The following SLC45A3 variants were observed in gnomAD, a reference collection of about 807,000 sequenced individuals.
SLC45A3 encodes solute carrier family 45 member 3.
SLC45A3 carries 17 observed loss-of-function variants against 35.3 expected under a neutral mutation model. The observed-to-expected ratio is 0.48, with a 90% CI of 0.33 to 0.72. SLC45A3 has a LOEUF of 0.72. Among genes scored for constraint, SLC45A3 ranks in the 30% least tolerant of loss-of-function variants. The probability of loss-of-function intolerance (pLI) is 0.02; values close to 1 mark genes in which losing one functional copy is unlikely to be tolerated. For synonymous variants in SLC45A3, 288 were observed against 334.3 expected, an observed-to-expected ratio of 0.86 and a Z score of 1.51; for missense variants, 597 against 731.7, an observed-to-expected ratio of 0.82 and a Z score of 2.12.
At chr1:205,671,099 C>G (rs1289384125) in intron 1 of SLC45A3, among the ~76,000 whole-genome samples, 4 of 152,208 alleles carry the variant, frequency 2.6e-5, no homozygotes, top group Non-Finnish European at 4.4e-5. Context: ...GGAGCCAGCA[C>G]TGCCCTCCCC....
At chr1:205,679,481 C>CAGG (rs2102412351) in intron 1 of SLC45A3, among the ~76,000 whole-genome samples, 1 of 152,264 alleles carries the variant, frequency 6.6e-6, no homozygotes, top group Non-Finnish European at 1.5e-5. Context: ...AGAAAGCATG[C>CAGG]AGGTCCCTGG....
At chr1:205,676,143 G>A (rs1028619675) in intron 1 of SLC45A3, among the ~76,000 whole-genome samples, 1 of 152,216 alleles carries the variant, frequency 6.6e-6, no homozygotes, top group Non-Finnish European at 1.5e-5. Context: ...GGAGCCAGGA[G>A]TGGGAATCTA....
rs191447344 is a variant in SLC45A3 at position 205,669,183 on chromosome 1, A to T, written c.-230-4297T>A. ...ACTTTGCAGGCCCAACTCCAGAGGG[A>T]GCAGCTCCTATGGGCTCAAAGGTGG... On this transcript the variant is annotated intron_variant, in intron 1 of 4. Coordinates refer to ENST00000367145, the MANE Select transcript of SLC45A3 (RefSeq NM_033102.3). This position sits in a 1 kb window ranked among gnomAD's most constrained non-coding sequence, Gnocchi z 4.1. Among the ~76,000 whole-genome samples the T allele has an allele frequency of 4.5e-3, 687 of 152,308 alleles. 4 individuals are homozygous for T. The highest frequency in any genetic ancestry group is 5.1e-3 in the Non-Finnish European group (349 of 68,016).
intron 1 of SLC45A3, among the ~76,000 whole-genome samples, chr1:205,671,647 T>A (rs1440767534): frequency 6.6e-6 from 1 of 151,958 alleles, no homozygotes; most frequent in African/African-American, 2.4e-5. Context: ...TTACCTGAGG[T>A]CAAGAAGTTT....
In SLC45A3 at chr1:205,663,042, A is replaced by G; in HGVS notation, c.749T>C (p.Phe250Ser). The G allele has an allele frequency of 6.2e-7, 1 of 1,609,214 alleles. No individual in the cohort carries two copies. Among genetic ancestry groups the G allele is most frequent in the East Asian group, 2.2e-5 (1 of 44,670 alleles). ...GGGAAGCAGGGCGCCCAGGTTCCGG[A>G]AAGCCAAGCGGGCCCGGCATGGACA... ...HCCPCRARLA[F>S]RNLGALLPRL... is the part of the protein sequence containing the mutation. The change falls in exon 3 of 5, where the codon TTC becomes TCC. Residue 250 changes from phenylalanine to serine, a missense_variant. This residue lies in a region of SLC45A3 where 555 missense variants were observed against 664.9 expected (regional missense o/e 0.83). Coordinates refer to ENST00000367145, the MANE Select transcript of SLC45A3 (RefSeq NM_033102.3).
At chr1:205,680,306 G>A (rs1007928348) in intron 1 of SLC45A3, 88 bp downstream of exon 1, 10 of 152,034 alleles carry the variant, frequency 6.6e-5, no homozygotes, top group Non-Finnish European at 1.2e-4. Context: ...CGCAAAACAC[G>A]CGACAGCGCG....
At chr1:205,676,489 C>T (rs551534106) in intron 1 of SLC45A3, among the ~76,000 whole-genome samples, 4 of 152,260 alleles carry the variant, frequency 2.6e-5, no homozygotes, top group South Asian at 2.1e-4. Flanking sequence ...GAACACCTGG[C>T]GTGTGCAGGT....
At position 205,662,094 on chromosome 1, in the gene SLC45A3, G is replaced by A. The variant is rs1671035604; in HGVS notation, c.991C>T (p.Gln331Ter). Residue 331 changes from glutamine (Q) to a stop codon, truncating the protein, a stop_gained, in exon 4 of 5, where the codon CAG (glutamine) becomes TAG (stop). Coordinates refer to ENST00000367145, the MANE Select transcript of SLC45A3 (RefSeq NM_033102.3). LOFTEE classifies it high-confidence loss of function. The surrounding 1 kb of genome is among the most constrained non-coding windows in gnomAD (Gnocchi z 6.2). ...GAGAAGACCAGGGAGATGGCGCACT[G>A]CAGGAACAGCCCCAGGCTGCCCATC... ...VRMGSLGLFL[Q>*]CAISLVFSLV... The A allele has an allele frequency of 6.2e-7, 1 of 1,613,962 alleles. No individual in the cohort carries two copies. Among genetic ancestry groups the A allele is most frequent in the Admixed American group, 1.7e-5 (1 of 60,020 alleles).
Position 205,664,451 on chromosome 1 carries a change from TGGAACAGGAAGGAAGGA to T in SLC45A3, c.172+17_172+33del, listed in dbSNP as rs1671084971. The T allele has an allele frequency of 6.2e-7, 1 of 1,610,780 alleles. No individual in the cohort carries two copies. Among genetic ancestry groups the T allele is most frequent in the East Asian group, 2.2e-5 (1 of 44,810 alleles). On this transcript the variant is annotated intron_variant, in intron 2 of 4. Coordinates refer to ENST00000367145, the MANE Select transcript of SLC45A3 (RefSeq NM_033102.3). This position sits in a 1 kb window ranked among gnomAD's most constrained non-coding sequence, Gnocchi z 5.3. ...TCCCACATGCCAGGTGGCATGTATC[TGGAACAGGAAGGAAGGA>T]GGATGTAGTGACTCACCCAGCACCA...
intron 1 of SLC45A3, among the ~76,000 whole-genome samples, chr1:205,674,595 G>T (rs1671278059): frequency 2.2e-5 from 2 of 92,714 alleles, no homozygotes; most frequent in Admixed American, 1.4e-4. Context: ...CAAAATTGAT[G>T]CTGTTTCAAA....
intron 1 of SLC45A3, among the ~76,000 whole-genome samples, chr1:205,680,086 C>G (rs1671380129): frequency 6.6e-6 from 1 of 150,756 alleles, no homozygotes; most frequent in African/African-American, 2.4e-5. Flanking sequence ...CGCTCCCCGC[C>G]CACACCGCCG....
Position 205,663,222 on chromosome 1 carries a change from G to A in SLC45A3, c.569C>T (p.Pro190Leu). 1.2e-6 allele frequency: 2 copies of A among 1,613,582 alleles called. No homozygotes were observed. The highest frequency in any genetic ancestry group is 8.5e-7 in the Non-Finnish European group (1 of 1,180,012). Residue 190 changes from proline (P) to leucine (L), a missense_variant, in exon 3 of 5, where the codon CCC (proline) becomes CTC (leucine). Pro to Leu is a moderately conservative substitution (Grantham distance 98). Transcript: ENST00000367145. ...AIDWDTSALA[P>L]YLGTQEECLF... Reference sequence around the variant, plus strand: ...GCACTCCTCCTGGGTGCCCAGGTAGGGGGCCAGGGCACTGGTGTCCCAGTC... The same window carrying A: ...GCACTCCTCCTGGGTGCCCAGGTAGAGGGCCAGGGCACTGGTGTCCCAGTC...
Position 205,664,599 on chromosome 1 carries a change from G to C in SLC45A3, c.58C>G (p.Leu20Val). 1 of 1,614,282 alleles carries C rather than the reference G, an allele frequency of 6.2e-7. No individual in the cohort carries two copies. The highest frequency in any genetic ancestry group is 8.5e-7 in the Non-Finnish European group (1 of 1,180,048). Residue 20 changes from leucine to valine, a missense_variant, in exon 2 of 5, where the codon CTG becomes GTG. Physicochemically the swap from Leu to Val is conservative, Grantham distance 32. Coordinates refer to ENST00000367145, the MANE Select transcript of SLC45A3 (RefSeq NM_033102.3). This position sits in a 1 kb window ranked among gnomAD's most constrained non-coding sequence, Gnocchi z 5.3. ...LLRHRKAQLL[L>V]VNLLTFGLEV... is the part of the protein sequence containing the mutation. ...AGGCCAAAGGTTAGCAGGTTGACCAGCAAGAGCTGGGCTTTCCGGTGCCGC... is the reference window on the plus strand; with the variant it reads ...AGGCCAAAGGTTAGCAGGTTGACCACCAAGAGCTGGGCTTTCCGGTGCCGC...
intron 1 of SLC45A3, among the ~76,000 whole-genome samples, chr1:205,671,912 C>T (rs1005288895): frequency 1.2e-4 from 19 of 152,044 alleles, no homozygotes; most frequent in South Asian, 8.3e-4. Context: ...GAAAAGAAAA[C>T]GCACAATAGC....
At chr1:205,674,447 T>C (rs1026607588) in intron 1 of SLC45A3, among the ~76,000 whole-genome samples, 7 of 150,882 alleles carry the variant, frequency 4.6e-5, no homozygotes, top group Non-Finnish European at 1.0e-4. Context: ...ATTAGCTGGG[T>C]GTGGTGGCAC....
chr1:205,675,813 G>T (rs1427073348), intron 1 of SLC45A3, among the ~76,000 whole-genome samples: 3 of 151,956 alleles, frequency 2.0e-5, no homozygotes, highest in Non-Finnish European at 2.9e-5. Flanking sequence ...CTCCTCCACA[G>T]CCCCCTGGAA....
At chr1:205,675,231 C>T (rs1671291900) in intron 1 of SLC45A3, among the ~76,000 whole-genome samples, 1 of 152,218 alleles carries the variant, frequency 6.6e-6, no homozygotes, top group Admixed American at 6.5e-5. Context: ...TACTATCAAA[C>T]AAGGCAGGTC....
chr1:205,673,956 T>C (rs1671256801), intron 1 of SLC45A3, among the ~76,000 whole-genome samples: 1 of 152,204 alleles, frequency 6.6e-6, no homozygotes, highest in African/African-American at 2.4e-5. Context: ...AGAGCCTCAA[T>C]TGTGTATAAG....
rs747108852 is a variant in SLC45A3 at position 205,663,300 on chromosome 1, T to C, written c.491A>G (p.Tyr164Cys). The change falls in exon 3 of 5, where the codon TAT (tyrosine) becomes TGT (cysteine). Residue 164 changes from tyrosine to cysteine, a missense_variant. By Grantham distance (194) the Tyr-to-Cys change is radical (BLOSUM62 -2). Transcript: ENST00000367145. ...GCCCCCAAGACTGATCATGAAGGCA[T>C]AGACAGAGTAGGCCTGGCGACAGTG... ...PDHCRQAYSV[Y>C]AFMISLGGCL... 16 of 1,613,198 alleles carry C rather than the reference T, an allele frequency of 9.9e-6. No individual in the cohort carries two copies. The highest frequency in any genetic ancestry group is 8.9e-5 in the East Asian group (4 of 44,882).
Sources: allele counts gnomAD v4.1 joint callset (sites outside exome capture counted in the v4.1 genomes callset), GRCh38; gene constraint gnomAD v4.1.1; regional missense constraint gnomAD v4.1.1; non-coding constraint Gnocchi (gnomAD v3.1); transcripts MANE v1.5; gene names NCBI Gene and HGNC (gene_info 2026-07-23, HGNC 2026-07-21).